The following NBAS variants were observed in gnomAD, a reference collection of about 807,000 sequenced individuals.
The protein encoded by NBAS is NAG/BC035112 fusion.
In NBAS, 219 loss-of-function variants were observed where a neutral mutation model predicts 302.5. The observed-to-expected ratio is 0.72, with a 90% CI of 0.65 to 0.81. The LOEUF is 0.81. NBAS is among the 30% of genes least tolerant of loss of function. NBAS has a pLI of 0.00. For synonymous variants in NBAS, 1,118 were observed against 1,021.6 expected (o/e 1.09, Z -1.80); for missense variants, 2,932 against 2,841.6 (o/e 1.03, Z -0.72).
chr2:14,979,794 G>A, the NBAS span, among the ~76,000 whole-genome samples: 135 of 152,106 alleles, frequency 8.9e-4, no homozygotes, highest in Non-Finnish European at 6.9e-4. Flanking sequence ...CCCAGGACAC[G>A]GAATAGATAC....
At chr2:15,504,818 T>C (rs995312297) in intron 10 of NBAS, among the ~76,000 whole-genome samples, 4 of 152,156 alleles carry the variant, frequency 2.6e-5, no homozygotes, top group Non-Finnish European at 4.4e-5. Flanking sequence ...CCTCAAAAAC[T>C]TAAACATAAA....
intron 40 of NBAS, among the ~76,000 whole-genome samples, chr2:15,299,921 T>C (rs921425507): frequency 3.3e-5 from 5 of 152,192 alleles, no homozygotes; most frequent in African/African-American, 1.2e-4. Flanking sequence ...TGGGGTCACA[T>C]GTGTATTTTT....
the NBAS span, among the ~76,000 whole-genome samples, chr2:14,783,727 A>G: frequency 6.6e-6 from 1 of 151,836 alleles, no homozygotes; most frequent in Non-Finnish European, 1.5e-5. Flanking sequence ...TCATTGTTGG[A>G]CATTTGGGTT....
chr2:15,319,516 G>C (rs1025273698), intron 38 of NBAS, among the ~76,000 whole-genome samples: 12 of 151,476 alleles, frequency 7.9e-5, no homozygotes, highest in Non-Finnish European at 1.6e-4. Flanking sequence ...GCAATAAAGA[G>C]GAAAGAGAGA....
chr2:15,358,089 G>T (rs1466137996), intron 32 of NBAS, among the ~76,000 whole-genome samples: 1 of 152,076 alleles, frequency 6.6e-6, no homozygotes, highest in Non-Finnish European at 1.5e-5. Context: ...CTACCAGCCA[G>T]ACCACCAAGT....
In NBAS at chr2:15,542,051, G is replaced by A. The variant is rs1214704441; in HGVS notation, c.380-2695C>T. 1.4e-3 allele frequency among the ~76,000 whole-genome samples: 120 copies of A among 83,588 alleles called. 8 individuals are homozygous for A. The highest frequency in any genetic ancestry group is 5.2e-3 in the African/African-American group (117 of 22,452). 54.8% of individuals were successfully genotyped at this position (83,588 alleles called of 152,430 possible). ...GCCAGCCGCCCCGTCCAGGAGGTGAGGGGCGCCTCTGCCCGGCCGCCCCTA... is the reference window on the plus strand; with the variant it reads ...GCCAGCCGCCCCGTCCAGGAGGTGAAGGGCGCCTCTGCCCGGCCGCCCCTA... On this transcript the variant is annotated intron_variant, in intron 6 of 51. Transcript: ENST00000281513.
chr2:15,376,002 G>A (rs1674716826), intron 30 of NBAS, among the ~76,000 whole-genome samples: 1 of 152,114 alleles, frequency 6.6e-6, no homozygotes, highest in African/African-American at 2.4e-5. Context: ...TTAATCAAAT[G>A]TTTTGGAAGG....
chr2:15,160,928 G>A, the NBAS span, among the ~76,000 whole-genome samples: 1 of 152,172 alleles, frequency 6.6e-6, no homozygotes, highest in East Asian at 1.9e-4. Flanking sequence ...GAACTCTTTT[G>A]CCTAACAGAT....
At chr2:15,474,037 A>C in intron 15 of NBAS, 30 bp downstream of exon 15, 1 of 1,613,988 alleles carries the variant, frequency 6.2e-7, no homozygotes, top group South Asian at 1.1e-5. Flanking sequence ...GATGACTTCA[A>C]ACTTGGGTAG....
chr2:14,912,288 A>AT, the NBAS span, among the ~76,000 whole-genome samples: 1 of 152,222 alleles, frequency 6.6e-6, no homozygotes, highest in Admixed American at 6.5e-5. Context: ...TGTCCATAGT[A>AT]TTTTTTTCAC....
At chr2:15,461,541 TATTAA>T (rs1381778317) in intron 20 of NBAS, 141 bp downstream of exon 20, 6 of 743,620 alleles carry the variant, frequency 8.1e-6, no homozygotes, top group Non-Finnish European at 1.3e-5. Context: ...GAATGATGGA[TATTAA>T]ATTAAAATTT....
At chr2:15,339,940 A>C (rs1215768256) in intron 35 of NBAS, among the ~76,000 whole-genome samples, 1 of 152,014 alleles carries the variant, frequency 6.6e-6, no homozygotes, top group African/African-American at 2.4e-5. Context: ...AAAAAAAGCC[A>C]ATATGACTAG....
chr2:14,938,657 C>T, the NBAS span, among the ~76,000 whole-genome samples: 1 of 152,178 alleles, frequency 6.6e-6, no homozygotes, highest in African/African-American at 2.4e-5. Context: ...ACTATATCAC[C>T]CACCAGGACA....
intron 9 of NBAS, among the ~76,000 whole-genome samples, chr2:15,512,173 C>CA (rs543406428): frequency 6.6e-6 from 1 of 151,980 alleles, no homozygotes; most frequent in Non-Finnish European, 1.5e-5. Context: ...ATTGAAAAGT[C>CA]AAAAAAACAT....
At chr2:15,150,811 G>A in the NBAS span, among the ~76,000 whole-genome samples, 8 of 152,062 alleles carry the variant, frequency 5.3e-5, no homozygotes, top group African/African-American at 1.4e-4. Flanking sequence ...TGTAAAGTTC[G>A]CTCTGTGACA....
intron 40 of NBAS, 122 bp from the exon 41 acceptor site, chr2:15,292,888 TCATAAGGCTCA>T: frequency 2.1e-6 from 2 of 968,674 alleles, no homozygotes; most frequent in Non-Finnish European, 3.2e-6. Flanking sequence ...TATTGCCATT[TCATAAGGCTCA>T]CAACGGCCCT....
At chr2:15,546,723 G>A (rs982870560) in intron 6 of NBAS, among the ~76,000 whole-genome samples, 6 of 152,172 alleles carry the variant, frequency 3.9e-5, no homozygotes, top group Admixed American at 1.3e-4. Context: ...GCCAGACTCC[G>A]TCTGAAAACA....
the NBAS span, among the ~76,000 whole-genome samples, chr2:15,120,147 A>G: frequency 6.6e-6 from 1 of 152,206 alleles, no homozygotes; most frequent in East Asian, 1.9e-4. Flanking sequence ...CAGATCTCCA[A>G]TGTGTACCTC....
At chr2:14,854,004 A>G in the NBAS span, among the ~76,000 whole-genome samples, 23 of 147,032 alleles carry the variant, frequency 1.6e-4, no homozygotes, top group African/African-American at 5.0e-4. Context: ...GCGCACCAGC[A>G]TGGCACATGT....
Sources: gnomAD v4.1 joint callset for allele counts (sites outside exome capture counted in the v4.1 genomes callset) on GRCh38, gnomAD v4.1.1 for gene constraint, MANE v1.5 for transcripts, NCBI Gene and HGNC (gene_info 2026-07-23, HGNC 2026-07-21) for gene names.